Variants in SEC24B observed in about 807,000 individuals in gnomAD.
SEC24B encodes the protein SEC24 homolog B, COPII component, also known as protein transport protein Sec24B.
In SEC24B, 45 loss-of-function variants were observed where a neutral mutation model predicts 142.8. The ratio of observed to expected loss-of-function variants is 0.32; its 90% CI spans 0.25 to 0.40. The LOEUF is 0.40. SEC24B is among the 10% of genes least tolerant of loss of function. The pLI is 1.00. For missense variants in SEC24B, 1,409 were observed against 1,526.8 expected (o/e 0.92, Z 1.29); for synonymous variants, 574 against 568.2 (o/e 1.01, Z -0.15).
At chr4:109,466,559 C>T (rs911234982) in intron 2 of SEC24B, among the ~76,000 whole-genome samples, 10 of 152,230 alleles carry the variant, frequency 6.6e-5, no homozygotes, top group South Asian at 2.1e-4. Flanking sequence ...TAGCGGCACC[C>T]GCCACCACAC....
Position 109,525,499 on chromosome 4 carries a change from C to T in SEC24B, c.2786C>T (p.Thr929Ile), listed in dbSNP as rs1724122030. 1 of 1,597,224 alleles carries T rather than the reference C, an allele frequency of 6.3e-7. No individual in the cohort carries two copies. Among genetic ancestry groups the T allele is most frequent in the Non-Finnish European group, 8.5e-7 (1 of 1,172,780 alleles). ...GFEAVMRIRCTKGLSMHTFHG... is the reference protein window; with the variant it reads ...GFEAVMRIRCIKGLSMHTFHG... The stretch of plus-strand genomic sequence containing the variant: ...GAAGCTGTTATGAGAATAAGGTGTA[C>T]TAAAGGTATGAAGTTGTAAAAGTTA... The change falls in exon 16 of 24, where the codon ACT becomes ATT. Residue 929 changes from threonine (T) to isoleucine (I), a missense_variant. Physicochemically the swap from Thr to Ile is moderately conservative, Grantham distance 89. Coordinates refer to ENST00000265175, the MANE Select transcript of SEC24B (RefSeq NM_006323.5).
intron 1 of SEC24B, among the ~76,000 whole-genome samples, chr4:109,434,560 C>G (rs759140066): frequency 1.3e-5 from 2 of 152,184 alleles, no homozygotes; most frequent in Non-Finnish European, 2.9e-5. Context: ...AGTTTGCACT[C>G]AAGTTTGTAG....
chr4:109,525,924 C>T (rs988989062), intron 16 of SEC24B, among the ~76,000 whole-genome samples: 7 of 151,756 alleles, frequency 4.6e-5, no homozygotes, highest in African/African-American at 1.5e-4. Flanking sequence ...TATAATAACC[C>T]TCATTTGCTT....
intron 1 of SEC24B, among the ~76,000 whole-genome samples, chr4:109,443,501 C>G (rs989010247): frequency 2.6e-5 from 4 of 152,142 alleles, no homozygotes; most frequent in Non-Finnish European, 4.4e-5. Flanking sequence ...CTCTGCCTCC[C>G]AGAGTGCTGG....
At chr4:109,479,750 A>G (rs1423361978) in intron 3 of SEC24B, among the ~76,000 whole-genome samples, 1 of 152,024 alleles carries the variant, frequency 6.6e-6, no homozygotes, top group African/African-American at 2.4e-5. Context: ...TTTTGTTTTA[A>G]TTGGGCTTTT....
At chr4:109,439,612 C>G (rs1312928229) in intron 1 of SEC24B, among the ~76,000 whole-genome samples, 1 of 148,238 alleles carries the variant, frequency 6.7e-6, no homozygotes, top group Non-Finnish European at 1.5e-5. Context: ...AAGCGATTCT[C>G]CTGCTCAGCC....
chr4:109,487,841 T>C (rs1244963125), intron 4 of SEC24B, among the ~76,000 whole-genome samples: 2 of 152,152 alleles, frequency 1.3e-5, no homozygotes, highest in African/African-American at 4.8e-5. Flanking sequence ...GATTTCAAAC[T>C]ATTCAGTAAA....
intron 5 of SEC24B, among the ~76,000 whole-genome samples, chr4:109,493,833 G>T (rs758540720): frequency 1.3e-5 from 2 of 152,060 alleles, no homozygotes; most frequent in Admixed American, 6.5e-5. Flanking sequence ...CTGACCTCAT[G>T]ATCCACCCAC....
intron 6 of SEC24B, among the ~76,000 whole-genome samples, chr4:109,500,230 C>A (rs1735973055): frequency 6.6e-6 from 1 of 152,080 alleles, no homozygotes; most frequent in Non-Finnish European, 1.5e-5. Flanking sequence ...GTGCAAAAGT[C>A]ATTGCGGTTC....
intron 1 of SEC24B, among the ~76,000 whole-genome samples, chr4:109,434,535 C>T (rs1315457564): frequency 6.6e-6 from 1 of 152,146 alleles, no homozygotes; most frequent in African/African-American, 2.4e-5. Context: ...GAACACGCTG[C>T]CTTGAGGAAA....
Position 109,533,641 on chromosome 4 carries a change from G to A in SEC24B, c.3544G>A (p.Asp1182Asn), listed in dbSNP as rs1332310000. The change falls in exon 22 of 24, where the codon GAT becomes AAT. Residue 1182 changes from aspartate (D) to asparagine (N), a missense_variant. Asp to Asn is a conservative substitution (Grantham distance 23). Coordinates refer to ENST00000265175, the MANE Select transcript of SEC24B (RefSeq NM_006323.5). ...AGGCTGTGACAATAACTTCATAGAG[G>A]ATGTGCTTGGATATACTAATTTTGC... is the stretch of plus-strand genomic sequence containing the variant. ...GKGCDNNFIE[D>N]VLGYTNFASI... 5 of 1,609,336 alleles carry A rather than the reference G, an allele frequency of 3.1e-6. No individual in the cohort carries two copies. The highest frequency in any genetic ancestry group is 4.2e-6 in the Non-Finnish European group (5 of 1,178,534).
chr4:109,462,758 A>G (rs759806651), intron 1 of SEC24B, 143 bp from the exon 2 acceptor site: 49 of 678,352 alleles, frequency 7.2e-5, no homozygotes, highest in Non-Finnish European at 9.3e-5. Flanking sequence ...GCAGGCTACC[A>G]TAATGGGTCT....
chr4:109,471,850 T>G (rs1017678916), intron 2 of SEC24B, among the ~76,000 whole-genome samples: 1 of 152,202 alleles, frequency 6.6e-6, no homozygotes, highest in African/African-American at 2.4e-5. Flanking sequence ...CTGGGACTTG[T>G]ACACTTTTAT....
chr4:109,437,624 A>G (rs2125887488), intron 1 of SEC24B, among the ~76,000 whole-genome samples: 1 of 151,624 alleles, frequency 6.6e-6, no homozygotes, highest in East Asian at 2.0e-4. Flanking sequence ...AGCAAATGGC[A>G]AACTTTTTTT....
At chr4:109,495,611 G>A (rs958067568) in intron 6 of SEC24B, among the ~76,000 whole-genome samples, 4 of 152,124 alleles carry the variant, frequency 2.6e-5, no homozygotes, top group East Asian at 1.9e-4. Flanking sequence ...AGATCGGTTC[G>A]ATTAGTTGTG....
Position 109,527,361 on chromosome 4 carries a change from T to C in SEC24B, c.3005T>C (p.Val1002Ala). 1 of 1,613,346 alleles carries C rather than the reference T, an allele frequency of 6.2e-7. No homozygotes were observed. The highest frequency in any genetic ancestry group is 1.1e-5 in the South Asian group (1 of 90,948). Residue 1002 changes from valine (V) to alanine (A), a missense_variant, in exon 18 of 24, where the codon GTG (valine) becomes GCG (alanine). This residue lies in a region of SEC24B where 700 missense variants were observed against 853.3 expected (regional missense o/e 0.82). Transcript: ENST00000265175. The part of the protein sequence containing the change: ...RIRVHTLCLP[V>A]VSSLADVYAG... ...AGAGTACATACACTTTGTTTGCCAG[T>C]GGTAAGTTCACTAGCAGATGTATAT...
Position 109,480,019 on chromosome 4 carries a change from G to A in SEC24B, c.1061-1658G>A, listed in dbSNP as rs142806096. Among the ~76,000 whole-genome samples the A allele has an allele frequency of 5.9e-5, 9 of 151,958 alleles. No individual in the cohort carries two copies. The East Asian group carries it at 9.7e-4, about 16-fold the overall frequency. On this transcript the variant is annotated intron_variant, in intron 3 of 23. Coordinates refer to ENST00000265175, the MANE Select transcript of SEC24B (RefSeq NM_006323.5). ...GATTTTATTTTATTTTATTTACATC[G>A]ATTTTTATTTTATTGATTTTTATTT... is the stretch of plus-strand genomic sequence containing the variant.
At chr4:109,456,274 GA>G (rs998166308) in intron 1 of SEC24B, among the ~76,000 whole-genome samples, 6 of 140,408 alleles carry the variant, frequency 4.3e-5, no homozygotes, top group African/African-American at 1.6e-4. Context: ...TTTTTTGGAA[GA>G]TTTTTTTGGG....
intron 3 of SEC24B, among the ~76,000 whole-genome samples, chr4:109,476,740 A>C (rs920876279): frequency 1.5e-5 from 2 of 136,792 alleles, no homozygotes; most frequent in African/African-American, 3.7e-5. Context: ...AACTTTTTCT[A>C]TCTGTCTTAC....
Sources: allele counts gnomAD v4.1 joint callset (sites outside exome capture counted in the v4.1 genomes callset), GRCh38; gene constraint gnomAD v4.1.1; regional missense constraint gnomAD v4.1.1; transcripts MANE v1.5; gene names NCBI Gene and HGNC (gene_info 2026-07-23, HGNC 2026-07-21).